Variants in MYPN observed in about 807,000 individuals in gnomAD.
MYPN encodes the protein sarcomeric protein myopalladin, 145 kDa (MYOP).
In MYPN, 63 loss-of-function variants were observed where a neutral mutation model predicts 129.4. The observed-to-expected ratio is 0.49, with a 90% CI of 0.40 to 0.60. The LOEUF is 0.60. MYPN is among the 20% of genes least tolerant of loss of function. The pLI is 0.00. For missense variants in MYPN, 1,596 were observed against 1,635.4 expected, an observed-to-expected ratio of 0.98 and a Z score of 0.42; for synonymous variants, 629 against 600.9, an observed-to-expected ratio of 1.05 and a Z score of -0.68.
At chr10:68,171,842 T>G (rs73267138) in intron 10 of MYPN, among the ~76,000 whole-genome samples, 9,545 of 152,264 alleles carry the variant, frequency 0.063, 1,028 homozygotes, top group African/African-American at 0.22. Flanking sequence ...AGTCATCGAA[T>G]GGGTAGTTGA....
rs1332901755 is a variant in MYPN at position 68,166,472 on chromosome 10, G to C, written c.1779G>C (p.Arg593Ser). Residue 593 changes from arginine (R) to serine (S), a missense_variant, in exon 10 of 20, where the codon AGG (arginine) becomes AGC (serine). Physicochemically the swap from Arg to Ser is moderately radical, Grantham distance 110. Transcript: ENST00000358913. Reference sequence around the variant, plus strand: ...ACAATGAGCCCCGGTCCAGCTCCAGGATTGGGCTTCGTGTGCACTTCAACC... The same window carrying C: ...ACAATGAGCCCCGGTCCAGCTCCAGCATTGGGCTTCGTGTGCACTTCAACC... ...VNHNEPRSSS[R>S]IGLRVHFNLP... 6.2e-7 allele frequency: 1 copy of C among 1,614,146 alleles called. No homozygotes were observed. Among genetic ancestry groups the C allele is most frequent in the African/African-American group, 1.3e-5 (1 of 75,048 alleles).
intron 2 of MYPN, among the ~76,000 whole-genome samples, chr10:68,126,746 G>A (rs1380712399): frequency 6.6e-6 from 1 of 152,200 alleles, no homozygotes; most frequent in African/African-American, 2.4e-5. Context: ...AAGGGAAGAA[G>A]TGGCTGGTTT....
intron 12 of MYPN, among the ~76,000 whole-genome samples, chr10:68,181,378 G>A (rs999440650): frequency 5.3e-5 from 8 of 151,690 alleles, no homozygotes; most frequent in Non-Finnish European, 1.0e-4. Context: ...TGCAATCTCC[G>A]CCTCCTAGGT....
chr10:68,145,027 C>CTT (rs768474511), intron 3 of MYPN, among the ~76,000 whole-genome samples: 4 of 141,934 alleles, frequency 2.8e-5, no homozygotes, highest in Non-Finnish European at 6.2e-5. Flanking sequence ...GAGTTCATTT[C>CTT]TTTTTTTTTT....
At chr10:68,101,740 A>G (rs1380272930), upstream of MYPN, among the ~76,000 whole-genome samples, 2 of 152,056 alleles carry the variant, frequency 1.3e-5, no homozygotes, top group East Asian at 3.8e-4. Context: ...TTTAAAACTT[A>G]CTTCTGATAG....
At chr10:68,152,723 C>G (rs1018087483) in intron 6 of MYPN, among the ~76,000 whole-genome samples, 1 of 151,900 alleles carries the variant, frequency 6.6e-6, no homozygotes, top group Non-Finnish European at 1.5e-5. Flanking sequence ...GCAACCTTGG[C>G]CCCCCCGGGT....
chr10:68,206,468 A>G (rs1478256486), intron 18 of MYPN, among the ~76,000 whole-genome samples: 1 of 152,140 alleles, frequency 6.6e-6, no homozygotes, highest in African/African-American at 2.4e-5. Flanking sequence ...GAAATGTCCA[A>G]CCTTGTTTGG....
At chr10:68,181,971 A>G (rs992489195) in intron 12 of MYPN, among the ~76,000 whole-genome samples, 22 of 152,032 alleles carry the variant, frequency 1.4e-4, no homozygotes, top group African/African-American at 4.8e-4. Flanking sequence ...ACAGACATTA[A>G]TGGCTCTCTC....
At chr10:68,185,523 C>T (rs995977624) in intron 12 of MYPN, among the ~76,000 whole-genome samples, 1 of 152,080 alleles carries the variant, frequency 6.6e-6, no homozygotes, top group African/African-American at 2.4e-5. Flanking sequence ...TGAGCACAGG[C>T]ACCCAGTCCA....
At chr10:68,209,685 T>G (rs1376534679) in intron 19 of MYPN, among the ~76,000 whole-genome samples, 11 of 145,830 alleles carry the variant, frequency 7.5e-5, no homozygotes, top group African/African-American at 1.9e-4. Context: ...TTTTTTTTTT[T>G]TTTGTTTGTT....
At chr10:68,183,351 A>G (rs556828753) in intron 12 of MYPN, among the ~76,000 whole-genome samples, 1 of 152,224 alleles carries the variant, frequency 6.6e-6, no homozygotes, top group East Asian at 1.9e-4. Context: ...TGTCCCAGCT[A>G]TTCGGGAGGC....
intron 12 of MYPN, among the ~76,000 whole-genome samples, chr10:68,179,038 C>T (rs796609562): frequency 4.6e-5 from 7 of 151,858 alleles, no homozygotes; most frequent in African/African-American, 1.7e-4. Context: ...CCCTACGTGA[C>T]AGAGGAAAAA....
chr10:68,188,364 C>G (rs1450797526), intron 12 of MYPN, among the ~76,000 whole-genome samples: 1 of 151,632 alleles, frequency 6.6e-6, no homozygotes, highest in East Asian at 1.9e-4. Context: ...CCTACCTCAG[C>G]CTCCCAAAGG....
At chr10:68,128,798 G>GC (rs751827818) in intron 2 of MYPN, among the ~76,000 whole-genome samples, 3 of 152,148 alleles carry the variant, frequency 2.0e-5, no homozygotes, top group Admixed American at 1.3e-4. Context: ...AGTTAGGCTG[G>GC]CAAAGTAGTC....
At chr10:68,199,942 CTCTACCTGAATGTCCTTT>C (rs1485896336) in intron 17 of MYPN, among the ~76,000 whole-genome samples, 1 of 152,184 alleles carries the variant, frequency 6.6e-6, no homozygotes, top group Non-Finnish European at 1.5e-5. Flanking sequence ...CCAATGATCC[CTCTACCTGAATGTCCTTT>C]TCTACCTGAA....
chr10:68,193,640 C>A (rs2043552441), intron 13 of MYPN, among the ~76,000 whole-genome samples: 1 of 152,152 alleles, frequency 6.6e-6, no homozygotes, highest in South Asian at 2.1e-4. Context: ...CTCTGCTCTA[C>A]TTTCATAAAC....
intron 15 of MYPN, among the ~76,000 whole-genome samples, chr10:68,197,037 A>G (rs543593165): frequency 1.3e-5 from 2 of 152,210 alleles, no homozygotes; most frequent in East Asian, 3.9e-4. Context: ...GTTTATTTTG[A>G]TGGCTTTTGA....
At chr10:68,170,002 T>G in intron 10 of MYPN, among the ~76,000 whole-genome samples, 1 of 152,164 alleles carries the variant, frequency 6.6e-6, no homozygotes. Flanking sequence ...CCTCCCAAAG[T>G]GCTGGGATTA....
At chr10:68,160,444 A>AAC (rs1394276949) in intron 7 of MYPN, among the ~76,000 whole-genome samples, 1 of 150,882 alleles carries the variant, frequency 6.6e-6, no homozygotes, top group African/African-American at 2.4e-5. Context: ...AAAAAAAAAA[A>AAC]AAAAAAAAAA....
Sources: allele counts gnomAD v4.1 joint callset (sites outside exome capture counted in the v4.1 genomes callset), GRCh38; gene constraint gnomAD v4.1.1; transcripts MANE v1.5; gene names NCBI Gene and HGNC (gene_info 2026-07-23, HGNC 2026-07-21).